RNF2: variants seen among roughly 807,000 people sequenced by gnomAD.
RNF2 encodes the protein ring finger protein 2, also known as E3 ubiquitin-protein ligase RING2.
RNF2 carries 6 observed loss-of-function variants against 37.2 expected under a neutral mutation model. The ratio of observed to expected loss-of-function variants is 0.16; its 90% CI spans 0.09 to 0.32. RNF2 has a LOEUF of 0.32. Among genes scored for constraint, RNF2 ranks in the 10% least tolerant of loss-of-function variants. The pLI, the probability that RNF2 is intolerant of heterozygous loss-of-function variation, is 1.00. For synonymous variants in RNF2, 133 were observed against 132.7 expected (o/e 1.00, Z -0.02); for missense variants, 251 against 404.0 (o/e 0.62, Z 3.25).
chr1:185,067,830 C>G (rs1435352357), intron 1 of RNF2, among the ~76,000 whole-genome samples: 1 of 150,780 alleles, frequency 6.6e-6, no homozygotes, highest in Non-Finnish European at 1.5e-5. Context: ...CCTACCTCAG[C>G]CTCTCGAGTA....
chr1:185,088,427 G>A (rs983595845), intron 2 of RNF2, among the ~76,000 whole-genome samples: 6 of 152,052 alleles, frequency 3.9e-5, no homozygotes, highest in African/African-American at 9.7e-5. Flanking sequence ...ATGGTGGCAC[G>A]TGCCTGTAGT....
At position 185,056,367 on chromosome 1, in the gene RNF2, A is replaced by AT. The variant is rs979453070; in HGVS notation, c.-3+10726dup. Among the ~76,000 whole-genome samples, 606 of 127,626 alleles carry AT rather than the reference A, an allele frequency of 4.7e-3. 5 individuals are homozygous for AT. Among genetic ancestry groups the AT allele is most frequent in the African/African-American group, 0.016 (547 of 33,898 alleles). The allele number at this position is 127,626 out of a possible 152,430, so 83.7% of individuals were successfully genotyped here. On this transcript the variant is annotated intron_variant, in intron 1 of 6. Transcript: ENST00000367510. ...CATCATTCTTTTTTTTTTTTTTCTC[A>AT]TTTTTTTTAGAGACAGGGCCTCCCT...
intron 1 of RNF2, among the ~76,000 whole-genome samples, chr1:185,064,607 CTTAAGA>C: frequency 6.6e-6 from 1 of 152,320 alleles, no homozygotes; most frequent in African/African-American, 2.4e-5. Context: ...TCACTTTAGA[CTTAAGA>C]TATTTTCAAT....
At chr1:185,074,997 G>GTGTTAT (rs2102177453) in intron 1 of RNF2, among the ~76,000 whole-genome samples, 1 of 151,926 alleles carries the variant, frequency 6.6e-6, no homozygotes, top group South Asian at 2.1e-4. Flanking sequence ...GTGTGTGTGT[G>GTGTTAT]TTATTTATTT....
chr1:185,092,223 C>G (rs1651786907), intron 3 of RNF2, among the ~76,000 whole-genome samples: 1 of 151,792 alleles, frequency 6.6e-6, no homozygotes, highest in Non-Finnish European at 1.5e-5. Flanking sequence ...GTCACCCAGG[C>G]TGGAGTGCAG....
intron 1 of RNF2, among the ~76,000 whole-genome samples, chr1:185,084,834 G>A (rs1482640726): frequency 6.6e-6 from 1 of 152,204 alleles, no homozygotes; most frequent in Non-Finnish European, 1.5e-5. Flanking sequence ...GCCATAGCAG[G>A]TGTCTAATAA....
At chr1:185,064,882 G>A (rs1327359462) in intron 1 of RNF2, among the ~76,000 whole-genome samples, 2 of 151,914 alleles carry the variant, frequency 1.3e-5, no homozygotes, top group South Asian at 4.1e-4. Context: ...GTTGTTCATT[G>A]TTAGTGTATA....
intron 4 of RNF2, among the ~76,000 whole-genome samples, chr1:185,096,976 A>G (rs1651930793): frequency 6.6e-6 from 1 of 151,610 alleles, no homozygotes; most frequent in African/African-American, 2.4e-5. Flanking sequence ...TTTTCATTAT[A>G]TATTCCTTTT....
Position 185,098,993 on chromosome 1 carries a change from G to A in RNF2, c.737+649G>A, listed in dbSNP as rs554071960. Among the ~76,000 whole-genome samples, 10 of 148,530 alleles carry A rather than the reference G, an allele frequency of 6.7e-5. No individual in the cohort carries two copies. The South Asian group carries it at 8.5e-4, about 13-fold the overall frequency. On this transcript the variant is annotated intron_variant, in intron 5 of 6. Coordinates refer to ENST00000367510, the MANE Select transcript of RNF2 (RefSeq NM_007212.4). Reference sequence around the variant, plus strand: ...TCTCGATCTCTTGACCTCGTGATCCGCCTGCCTTGGCCTCCCAAAGTGCTG... The same window carrying A: ...TCTCGATCTCTTGACCTCGTGATCCACCTGCCTTGGCCTCCCAAAGTGCTG...
chr1:185,082,345 C>CTTTTTTTTTTT lies in RNF2; in HGVS notation c.-2-5195_-2-5185dup, dbSNP rs3036553. ...CAAGGTTCTTGTCTCCTCTGCAGAA[C>CTTTTTTTTTTT]TTTTTTTTTTTTTTTTTTTTTTGAA... On this transcript the variant is annotated intron_variant, in intron 1 of 6. Transcript: ENST00000367510. Among the ~76,000 whole-genome samples, 233 of 71,960 alleles carry CTTTTTTTTTTT rather than the reference C, an allele frequency of 3.2e-3. 34 individuals are homozygous for CTTTTTTTTTTT. Among genetic ancestry groups the CTTTTTTTTTTT allele is most frequent in the South Asian group, 7.8e-3 (15 of 1,934 alleles). 47.2% of individuals were successfully genotyped at this position (71,960 alleles called of 152,430 possible). A position where few individuals can be genotyped will look rare whatever the true frequency, so the allele number is the denominator to read the frequency against.
intron 1 of RNF2, among the ~76,000 whole-genome samples, chr1:185,082,699 A>G (rs1359724385): frequency 6.6e-6 from 1 of 152,098 alleles, no homozygotes; most frequent in African/African-American, 2.4e-5. Flanking sequence ...TACGTTCGTT[A>G]GCAGTTCCTG....
intron 1 of RNF2, among the ~76,000 whole-genome samples, chr1:185,074,113 A>G (rs541056829): frequency 6.6e-6 from 1 of 152,380 alleles, no homozygotes; most frequent in South Asian, 2.1e-4. Context: ...AAAGGACATT[A>G]TAAAAGATAC....
chr1:185,099,855 G>C lies in RNF2; in HGVS notation c.802G>C (p.Ala268Pro), dbSNP rs1652026770. ...ATCCAAGTATCTGGCTGTGAGGTTA[G>C]CTTTAGAAGAACTTCGAAGCAAAGG... ...HLSKYLAVRL[A>P]LEELRSKGES... is the part of the protein sequence containing the mutation. Residue 268 changes from alanine (A) to proline (P), a missense_variant, in exon 6 of 7, where the codon GCT (alanine) becomes CCT (proline). This residue lies in a region of RNF2 where 16 missense variants were observed against 47.7 expected (regional missense o/e 0.34). Transcript: ENST00000367510. 1 of 1,614,026 alleles carries C rather than the reference G, an allele frequency of 6.2e-7. No homozygotes were observed. The highest frequency in any genetic ancestry group is 1.7e-5 in the Admixed American group (1 of 59,998).
Position 185,100,515 on chromosome 1 carries a change from T to G in RNF2, c.*214T>G. 2.8e-6 allele frequency: 1 copy of G among 358,864 alleles called. No homozygotes were observed. The highest frequency in any genetic ancestry group is 4.2e-5 in the East Asian group (1 of 23,760). The allele number at this position is 358,864 out of a possible 1,614,324, so 22.2% of individuals were successfully genotyped here. A position where few individuals can be genotyped will look rare whatever the true frequency, so the allele number is the denominator to read the frequency against. On this transcript the variant is annotated 3_prime_UTR_variant, in exon 7 of 7. Transcript: ENST00000367510. ...ATTATTCAGTATTTTTTTCTTTCCT[T>G]TAAAAAAATATATCTGAAGTTTCTT...
intron 4 of RNF2, 78 bp from the exon 5 acceptor site, chr1:185,097,994 G>A: frequency 6.7e-7 from 1 of 1,502,140 alleles, no homozygotes; most frequent in Non-Finnish European, 9.0e-7. Context: ...CTAAAGTTCA[G>A]TAGCAAACAT....
chr1:185,087,720 G>T, intron 2 of RNF2, 80 bp downstream of exon 2: 2 of 983,574 alleles, frequency 2.0e-6, no homozygotes, highest in South Asian at 1.4e-5. Flanking sequence ...AACTTAAATA[G>T]AACATAGAGT....
In RNF2 at chr1:185,089,639, G is replaced by A. The variant is rs150891152; in HGVS notation, c.88-1940G>A. Reference sequence around the variant, plus strand: ...GGGTAGAAGTGACAAAAGATGAATAGGCAGTTCTTCAGAGAAATTCAGCTA... The same window carrying A: ...GGGTAGAAGTGACAAAAGATGAATAAGCAGTTCTTCAGAGAAATTCAGCTA... On this transcript the variant is annotated intron_variant, in intron 2 of 6. Transcript: ENST00000367510. Among the ~76,000 whole-genome samples, 27 of 152,200 alleles carry A rather than the reference G, an allele frequency of 1.8e-4. No homozygotes were observed. In the East Asian group the frequency reaches 4.6e-3, roughly 26 times the overall value.
chr1:185,072,677 A>G (rs1651013915), intron 1 of RNF2, among the ~76,000 whole-genome samples: 1 of 152,210 alleles, frequency 6.6e-6, no homozygotes, highest in African/African-American at 2.4e-5. Flanking sequence ...TGAACAGCTC[A>G]TGCCTGTAAT....
At chr1:185,100,116 T>G in intron 6 of RNF2, 84 bp from the exon 7 acceptor site, 1 of 1,243,804 alleles carries the variant, frequency 8.0e-7, no homozygotes, top group Non-Finnish European at 1.1e-6. Context: ...AAAAAAAGAT[T>G]CTGTGGACTT....
Sources: allele counts gnomAD v4.1 joint callset (sites outside exome capture counted in the v4.1 genomes callset), GRCh38; gene constraint gnomAD v4.1.1; regional missense constraint gnomAD v4.1.1; transcripts MANE v1.5; gene names NCBI Gene and HGNC (gene_info 2026-07-23, HGNC 2026-07-21).